The following OPRK1 variants were observed in gnomAD, a reference collection of about 807,000 sequenced individuals.
OPRK1 encodes opioid receptor kappa 1.
A neutral mutation model predicts 24.5 loss-of-function variants in OPRK1; 15 were observed. That is an observed-to-expected ratio of 0.61 (90% CI 0.41 to 0.94). The LOEUF is 0.94. Ranked by LOEUF, OPRK1 falls within the 40% of genes least tolerant of loss-of-function variation. The pLI is 0.00. For missense variants in OPRK1, 479 were observed against 507.3 expected (o/e 0.94, Z 0.54); for synonymous variants, 205 against 198.0 (o/e 1.04, Z -0.30).
At chr8:53,238,192 C>T (rs1349797035) in intron 2 of OPRK1, among the ~76,000 whole-genome samples, 1 of 152,114 alleles carries the variant, frequency 6.6e-6, no homozygotes, top group Non-Finnish European at 1.5e-5. Flanking sequence ...CACTGTATGT[C>T]CACCACTGAA....
intron 2 of OPRK1, among the ~76,000 whole-genome samples, chr8:53,239,959 C>T (rs1807078496): frequency 1.3e-5 from 2 of 152,264 alleles, no homozygotes; most frequent in South Asian, 2.1e-4. Context: ...CTTTAAAAAC[C>T]AGGTATTTTA....
rs201720764 is a variant in OPRK1, at chr8:53,229,429, G to A, written c.1011C>T (p.Phe337=). The change falls in exon 4 of 4, where the codon TTC becomes TTT. Residue 337 remains phenylalanine, a synonymous_variant. Coordinates refer to ENST00000265572, the MANE Select transcript of OPRK1 (RefSeq NM_000912.5). ...AGCAGAAGTCCCGGAAACACCGCTT[G>A]AAGTTTTCATCAAGAAAGGCGTAGA... ...PILYAFLDEN[F]KRCFRDFCFP... The A allele has an allele frequency of 6.8e-6, 11 of 1,614,092 alleles. No individual in the cohort carries two copies. The highest frequency in any genetic ancestry group is 6.6e-5 in the South Asian group (6 of 91,088).
At chr8:53,245,492 C>A (rs1286731275) in intron 2 of OPRK1, among the ~76,000 whole-genome samples, 1 of 152,166 alleles carries the variant, frequency 6.6e-6, no homozygotes, top group African/African-American at 2.4e-5. Flanking sequence ...GTCTGCGGTG[C>A]TTTGTTATGG....
At chr8:53,230,782 G>A (rs1174359127) in intron 3 of OPRK1, among the ~76,000 whole-genome samples, 6 of 152,128 alleles carry the variant, frequency 3.9e-5, no homozygotes, top group Non-Finnish European at 8.8e-5. Flanking sequence ...CGAGCACACA[G>A]CAGAGCTCTC....
At position 53,234,775 on chromosome 8, in the gene OPRK1, G is replaced by T. The variant is rs201139941; in HGVS notation, c.594C>A (p.Gly198=). 52 of 1,609,132 alleles carry T rather than the reference G, an allele frequency of 3.2e-5. No individual in the cohort carries two copies. The highest frequency in any genetic ancestry group is 4.2e-5 in the Non-Finnish European group (49 of 1,175,898). ...SVGISAIVLG[G]TKVREDVDVI... is the part of the protein sequence containing the mutation. ...TGCTCTTACCTTCCCTGACTTTGGTGCCTCCAAGGACTATTGCAGAGATGC... is the reference window on the plus strand; with the variant it reads ...TGCTCTTACCTTCCCTGACTTTGGTTCCTCCAAGGACTATTGCAGAGATGC... Residue 198 remains glycine, a synonymous_variant, in exon 3 of 4, where the codon GGC becomes GGA. Transcript: ENST00000265572.
At chr8:53,236,295 A>G (rs1806995562) in intron 2 of OPRK1, among the ~76,000 whole-genome samples, 2 of 152,180 alleles carry the variant, frequency 1.3e-5, no homozygotes, top group Admixed American at 6.5e-5. Flanking sequence ...CATAAAACCT[A>G]ACTCACAGTA....
At chr8:53,229,918 C>T in intron 3 of OPRK1, 89 bp from the exon 4 acceptor site, 1 of 1,200,446 alleles carries the variant, frequency 8.3e-7, no homozygotes, top group Non-Finnish European at 1.1e-6. Flanking sequence ...ATTTTAATAC[C>T]TTTTATTGCA....
At chr8:53,238,660 G>A in intron 2 of OPRK1, 3 of 985,432 alleles carry the variant, frequency 3.0e-6, no homozygotes, top group Non-Finnish European at 2.4e-6. Flanking sequence ...AGAGAAACGA[G>A]GGTTGGCTTC....
Position 53,229,290 on chromosome 8 carries a change from C to T in OPRK1, c.*7G>A, listed in dbSNP as rs370037429. ...GAAGAACTGTACGAAGACATCTCCA[C>T]GACTAGTCATACTGGTTTATTCATC... On this transcript the variant is annotated 3_prime_UTR_variant, in exon 4 of 4. Coordinates refer to ENST00000265572, the MANE Select transcript of OPRK1 (RefSeq NM_000912.5). 18 of 1,608,474 alleles carry T rather than the reference C, an allele frequency of 1.1e-5. No homozygotes were observed. In the Middle Eastern group the frequency reaches 5.1e-4, roughly 45 times the overall value.
intron 2 of OPRK1, among the ~76,000 whole-genome samples, chr8:53,235,591 T>C (rs575347227): frequency 1.3e-4 from 20 of 152,208 alleles, no homozygotes; most frequent in Non-Finnish European, 1.9e-4. Flanking sequence ...GTTTTCAATT[T>C]TGATATATGC....
rs189359468 is a variant in OPRK1, at chr8:53,241,451, C to G, written c.258-6340G>C. On this transcript the variant is annotated intron_variant, in intron 2 of 3. Coordinates refer to ENST00000265572, the MANE Select transcript of OPRK1 (RefSeq NM_000912.5). ...GGCAGAGGCAGGAGGATGGCTTGAC[C>G]GCCCCACTGCACCCCAGCCTGGGCC... 6.9e-4 allele frequency among the ~76,000 whole-genome samples: 104 copies of G among 151,634 alleles called. No homozygotes were observed. In the East Asian group the frequency reaches 0.016, roughly 24 times the overall value.
Position 53,229,192 on chromosome 8 carries a change from A to T in OPRK1, c.*105T>A. ...CATGAGATCTCTAAAAGTTTATTTT[A>T]AATTCTATCTTTTCATGTCAGACTG... On this transcript the variant is annotated 3_prime_UTR_variant, in exon 4 of 4. Transcript: ENST00000265572. 2.2e-6 allele frequency: 3 copies of T among 1,347,074 alleles called. No individual in the cohort carries two copies. Among genetic ancestry groups the T allele is most frequent in the Non-Finnish European group, 3.0e-6 (3 of 989,956 alleles). The allele number at this position is 1,347,074 out of a possible 1,614,324, so 83.4% of individuals were successfully genotyped here. A position where few individuals can be genotyped will look rare whatever the true frequency, so the allele number is the denominator to read the frequency against.
chr8:53,234,843 T>G lies in OPRK1; in HGVS notation c.526A>C (p.Lys176Gln). 6.2e-7 allele frequency: 1 copy of G among 1,614,204 alleles called. No individual in the cohort carries two copies. The highest frequency in any genetic ancestry group is 8.5e-7 in the Non-Finnish European group (1 of 1,180,044). ...AGCCAGATGCAGATATTGATGATCT[T>G]TGCCTTCAAGGGTGTGCGGAAGTCC... is the stretch of plus-strand genomic sequence containing the variant. Reference protein sequence around the residue: ...ALDFRTPLKAKIINICIWLLS... With the variant: ...ALDFRTPLKAQIINICIWLLS... Residue 176 changes from lysine to glutamine, a missense_variant, in exon 3 of 4, where the codon AAG becomes CAG. By Grantham distance (53) the Lys-to-Gln change is moderately conservative. Transcript: ENST00000265572.
intron 2 of OPRK1, among the ~76,000 whole-genome samples, chr8:53,249,950 G>C (rs73589399): frequency 1.3e-5 from 2 of 152,004 alleles, no homozygotes; most frequent in Non-Finnish European, 2.9e-5. Context: ...GCAGAACAAA[G>C]TTAGGTTTTC....
chr8:53,239,219 T>C (rs1585634040), intron 2 of OPRK1, among the ~76,000 whole-genome samples: 1 of 152,168 alleles, frequency 6.6e-6, no homozygotes, highest in Non-Finnish European at 1.5e-5. Context: ...ACCCCATAAG[T>C]AGCAATATAC....
intron 2 of OPRK1, among the ~76,000 whole-genome samples, chr8:53,244,511 A>G (rs2303433): frequency 0.1 from 15,160 of 152,142 alleles, 831 homozygotes; most frequent in South Asian, 0.18. Context: ...GGGAAGCAAA[A>G]GTCTCCCAGA....
At chr8:53,249,505 C>T (rs577988609) in intron 2 of OPRK1, among the ~76,000 whole-genome samples, 69 of 152,214 alleles carry the variant, frequency 4.5e-4, no homozygotes, top group African/African-American at 1.6e-3. Context: ...ATTATGAAAA[C>T]CAAGGGCACC....
intron 2 of OPRK1, among the ~76,000 whole-genome samples, chr8:53,238,363 G>C (rs1807041767): frequency 6.6e-6 from 1 of 152,200 alleles, no homozygotes; most frequent in African/African-American, 2.4e-5. Flanking sequence ...GCAGCTCGTG[G>C]CTGCACTTTT....
At chr8:53,245,221 A>G (rs1396660640) in intron 2 of OPRK1, among the ~76,000 whole-genome samples, 1 of 152,208 alleles carries the variant, frequency 6.6e-6, no homozygotes, top group Non-Finnish European at 1.5e-5. Flanking sequence ...TGGAGACAGG[A>G]GCTTTAAAGA....
Sources: gnomAD v4.1 joint callset for allele counts (sites outside exome capture counted in the v4.1 genomes callset) on GRCh38, gnomAD v4.1.1 for gene constraint, MANE v1.5 for transcripts, NCBI Gene and HGNC (gene_info 2026-07-23, HGNC 2026-07-21) for gene names.